Variants in SLC35F4 observed in about 807,000 individuals in gnomAD.
SLC35F4 encodes chromosome 14 open reading frame 36.
A neutral mutation model predicts 44.2 loss-of-function variants in SLC35F4; 24 were observed. That is an observed-to-expected ratio of 0.54 (90% CI 0.39 to 0.76). SLC35F4 has a LOEUF of 0.76. SLC35F4 is among the 30% of genes least tolerant of loss of function. SLC35F4 has a pLI of 0.00. For synonymous variants in SLC35F4, 238 were observed against 223.6 expected (o/e 1.06, Z -0.57); for missense variants, 562 against 586.1 (o/e 0.96, Z 0.42).
chr14:57,729,464 C>A (rs2076293598), intron 1 of SLC35F4, among the ~76,000 whole-genome samples: 1 of 152,176 alleles, frequency 6.6e-6, no homozygotes, highest in African/African-American at 2.4e-5. Context: ...ATGAATCCTG[C>A]CAAGACTGAG....
At chr14:57,666,251 G>T in intron 1 of SLC35F4, among the ~76,000 whole-genome samples, 1 of 152,194 alleles carries the variant, frequency 6.6e-6, no homozygotes. Flanking sequence ...GAGAGACCCA[G>T]AACTTGAATT....
chr14:57,952,172 C>T (rs1315330950), intron 1 of SLC35F4, among the ~76,000 whole-genome samples: 5 of 152,148 alleles, frequency 3.3e-5, no homozygotes, highest in African/African-American at 9.7e-5. Context: ...CCAGCAAACT[C>T]GAGCAGACCT....
At chr14:57,701,388 T>C (rs2075536022) in intron 1 of SLC35F4, among the ~76,000 whole-genome samples, 1 of 152,146 alleles carries the variant, frequency 6.6e-6, no homozygotes, top group African/African-American at 2.4e-5. Context: ...TTTCAAAAAA[T>C]GAGTAAAAGT....
At chr14:57,678,650 G>T (rs188305151) in intron 1 of SLC35F4, among the ~76,000 whole-genome samples, 8 of 151,466 alleles carry the variant, frequency 5.3e-5, no homozygotes, top group African/African-American at 1.7e-4. Flanking sequence ...ATACACACAG[G>T]CTCAAAATAA....
chr14:57,881,335 C>T (rs1203398905), intron 1 of SLC35F4, among the ~76,000 whole-genome samples: 2 of 152,142 alleles, frequency 1.3e-5, no homozygotes, highest in African/African-American at 4.8e-5. Flanking sequence ...TCTATAGATG[C>T]CTCCTTCCAG....
chr14:57,803,474 T>A (rs1159477992), intron 1 of SLC35F4, among the ~76,000 whole-genome samples: 2 of 151,496 alleles, frequency 1.3e-5, no homozygotes, highest in Admixed American at 6.6e-5. Context: ...GCAAGAGAAA[T>A]AAGTAAAGGG....
chr14:57,616,818 T>TCC (rs2071858255), intron 1 of SLC35F4, among the ~76,000 whole-genome samples: 1 of 152,086 alleles, frequency 6.6e-6, no homozygotes, highest in African/African-American at 2.4e-5. Context: ...AGGACTAAGT[T>TCC]CCCCTTTGTT....
chr14:57,948,056 A>G (rs1046115759), intron 1 of SLC35F4, among the ~76,000 whole-genome samples: 2 of 152,080 alleles, frequency 1.3e-5, no homozygotes, highest in African/African-American at 2.4e-5. Context: ...ATTTGAGATG[A>G]TTTAAGAAGG....
chr14:57,724,435 T>C (rs183868097), intron 1 of SLC35F4, among the ~76,000 whole-genome samples: 3 of 152,338 alleles, frequency 2.0e-5, no homozygotes, highest in Admixed American at 6.5e-5. Flanking sequence ...CGTTTGACTA[T>C]GGGTCATTAA....
At chr14:57,770,274 G>T (rs1443671997) in intron 1 of SLC35F4, among the ~76,000 whole-genome samples, 4 of 152,220 alleles carry the variant, frequency 2.6e-5, no homozygotes, top group African/African-American at 9.6e-5. Flanking sequence ...GCAGTGCCAG[G>T]TTGAGGGTTA....
intron 1 of SLC35F4, among the ~76,000 whole-genome samples, chr14:57,886,260 G>A (rs905985019): frequency 2.0e-5 from 3 of 152,152 alleles, no homozygotes; most frequent in African/African-American, 4.8e-5. Flanking sequence ...TGGGCTAGAG[G>A]TCTAGGTGTA....
chr14:57,887,703 C>G (rs941357637), intron 1 of SLC35F4, among the ~76,000 whole-genome samples: 1 of 152,142 alleles, frequency 6.6e-6, no homozygotes, highest in Admixed American at 6.6e-5. Context: ...GCAATGGAAT[C>G]CATCCAGGAA....
intron 1 of SLC35F4, among the ~76,000 whole-genome samples, chr14:57,650,091 G>A (rs1034722723): frequency 6.6e-6 from 1 of 151,926 alleles, no homozygotes; most frequent in Non-Finnish European, 1.5e-5. Flanking sequence ...CTTTTCTAAC[G>A]TGACTTCTCC....
intron 2 of SLC35F4, among the ~76,000 whole-genome samples, chr14:57,591,209 A>C (rs993372206): frequency 2.0e-5 from 3 of 152,228 alleles, no homozygotes; most frequent in Admixed American, 1.3e-4. Context: ...CCCATGGTCT[A>C]GTGGAAAGCC....
chr14:57,908,752 T>C (rs568852079), intron 1 of SLC35F4, among the ~76,000 whole-genome samples: 78 of 152,354 alleles, frequency 5.1e-4, no homozygotes, highest in Non-Finnish European at 9.8e-4. Flanking sequence ...ACTCTAATGA[T>C]AGTTTCCTTT....
intron 1 of SLC35F4, among the ~76,000 whole-genome samples, chr14:57,910,001 T>A (rs1033684810): frequency 1.3e-5 from 2 of 152,198 alleles, no homozygotes; most frequent in Admixed American, 6.5e-5. Context: ...CTAATAGGTA[T>A]GTTGTAGTAT....
intron 1 of SLC35F4, among the ~76,000 whole-genome samples, chr14:57,718,533 C>T (rs2076001025): frequency 1.3e-5 from 2 of 152,138 alleles, no homozygotes; most frequent in African/African-American, 4.8e-5. Flanking sequence ...TGGATAATAG[C>T]CATTTTAACT....
chr14:57,646,706 G>C (rs902813721), intron 1 of SLC35F4, among the ~76,000 whole-genome samples: 2 of 152,038 alleles, frequency 1.3e-5, no homozygotes, highest in Admixed American at 6.6e-5. Flanking sequence ...TCTTTTAATT[G>C]TGATGTTAGG....
At chr14:57,961,805 C>G (rs183644682) in intron 1 of SLC35F4, among the ~76,000 whole-genome samples, 34 of 152,300 alleles carry the variant, frequency 2.2e-4, no homozygotes, top group Admixed American at 1.4e-3. Context: ...ATTCCTCAAG[C>G]CTCAGCCCTC....
Sources: gnomAD v4.1 joint callset for allele counts (sites outside exome capture counted in the v4.1 genomes callset) on GRCh38, gnomAD v4.1.1 for gene constraint, MANE v1.5 for transcripts, NCBI Gene and HGNC (gene_info 2026-07-23, HGNC 2026-07-21) for gene names.